Variants in SLC22A25 observed in about 807,000 individuals in gnomAD.
SLC22A25 encodes the protein MGI:2442751, MGI:2385316, MGI:3042283, MGI:3645714, MGI:3605624, MGI:2442750.
SLC22A25 carries 44 observed loss-of-function variants against 45.9 expected under a neutral mutation model. The observed-to-expected ratio is 0.96, with a 90% confidence interval of 0.75 to 1.23. The LOEUF (loss-of-function observed/expected upper bound fraction) is 1.23, where lower values mean the gene tolerates loss of function less well. SLC22A25 is among the 50% of genes most tolerant of loss of function. SLC22A25 has a pLI of 0.00. For missense variants in SLC22A25, 800 were observed against 666.4 expected (o/e 1.20, Z -2.21); for synonymous variants, 283 against 238.6 (o/e 1.19, Z -1.72).
At chr11:63,169,474 T>G (rs892025682) in intron 9 of SLC22A25, among the ~76,000 whole-genome samples, 7 of 151,886 alleles carry the variant, frequency 4.6e-5, no homozygotes, top group Non-Finnish European at 8.8e-5. Context: ...AAAGAAATAT[T>G]TACCAAGCAA....
intron 7 of SLC22A25, chr11:63,208,355 G>C (rs1264032983): frequency 1.3e-5 from 2 of 152,322 alleles, no homozygotes; most frequent in Non-Finnish European, 2.9e-5. Flanking sequence ...TCACCTCCCA[G>C]GGAACAACCA....
intron 7 of SLC22A25, among the ~76,000 whole-genome samples, chr11:63,194,479 A>G (rs1251505806): frequency 1.3e-5 from 2 of 152,158 alleles, no homozygotes; most frequent in Non-Finnish European, 2.9e-5. Context: ...TCATAAGTGA[A>G]GGAGACATAA....
At chr11:63,172,062 T>A (rs1333941947) in intron 9 of SLC22A25, among the ~76,000 whole-genome samples, 1 of 152,180 alleles carries the variant, frequency 6.6e-6, no homozygotes, top group African/African-American at 2.4e-5. Flanking sequence ...TCCTATTTAA[T>A]AAATGGTGCT....
At chr11:63,169,559 A>G (rs192070084) in intron 9 of SLC22A25, among the ~76,000 whole-genome samples, 6 of 152,256 alleles carry the variant, frequency 3.9e-5, no homozygotes, top group African/African-American at 1.4e-4. Flanking sequence ...GAAATCAAAG[A>G]AGACAAAGAA....
chr11:63,241,812 C>T (rs1054930081), intron 1 of SLC22A25, among the ~76,000 whole-genome samples: 37 of 152,188 alleles, frequency 2.4e-4, no homozygotes, highest in Non-Finnish European at 2.4e-4. Context: ...TGAGGCACAA[C>T]ATTGGTGGGC....
intron 3 of SLC22A25, among the ~76,000 whole-genome samples, chr11:63,232,090 G>A (rs537801663): frequency 6.6e-6 from 1 of 152,032 alleles, no homozygotes; most frequent in Admixed American, 6.6e-5. Context: ...TTGTTCTTTT[G>A]GCTTAGGATT....
At chr11:63,242,804 A>G (rs1444302977) in intron 1 of SLC22A25, among the ~76,000 whole-genome samples, 2 of 152,172 alleles carry the variant, frequency 1.3e-5, no homozygotes, top group African/African-American at 2.4e-5. Flanking sequence ...AACCCAAATA[A>G]GGTTCCTTGG....
At position 63,166,243 on chromosome 11, in the gene SLC22A25, G is replaced by T. The variant is rs2087679213; in HGVS notation, c.1086C>A (p.Ile362=). 6.2e-7 allele frequency: 1 copy of T among 1,613,928 alleles called. No individual in the cohort carries two copies. The highest frequency in any genetic ancestry group is 8.5e-7 in the Non-Finnish European group (1 of 1,179,908). The change falls in exon 10 of 12, where the codon ATC becomes ATA. Residue 362 remains isoleucine, a synonymous_variant. Coordinates refer to ENST00000306494, the MANE Select transcript of SLC22A25 (RefSeq NM_199352.6). ...FLSFVRFAST[I]PFWGLTLHLQ... Reference sequence around the variant, plus strand: ...GGTGCAAAGTAAGGCCCCAAAAAGGGATGGTACTTGCAAATCTGCAGGGAA... The same window carrying T: ...GGTGCAAAGTAAGGCCCCAAAAAGGTATGGTACTTGCAAATCTGCAGGGAA...
chr11:63,239,355 A>G (rs2090212099), intron 1 of SLC22A25, among the ~76,000 whole-genome samples: 1 of 152,212 alleles, frequency 6.6e-6, no homozygotes, highest in South Asian at 2.1e-4. Flanking sequence ...GGATACTCCA[A>G]CAGTTGTCAA....
Position 63,159,699 on chromosome 11 carries a change from A to G in SLC22A25, c.*4125T>C, listed in dbSNP as rs1413544595. ...CCACAAATGTGGAAGCAACTTTGGA[A>G]CTGGGGCAATATTTGGAGGGCTCAG... is the stretch of plus-strand genomic sequence containing the variant. On this transcript the variant is annotated 3_prime_UTR_variant, in exon 12 of 12. Transcript: ENST00000306494. Among the ~76,000 whole-genome samples the G allele has an allele frequency of 1.7e-4, 1 of 5,896 alleles. No individual in the cohort carries two copies. The highest frequency in any genetic ancestry group is 0.013 in the Non-Finnish European group (1 of 76). The allele number at this position is 5,896 out of a possible 152,430, so 3.9% of individuals were successfully genotyped here.
rs1267254590 is a variant in SLC22A25 at position 63,159,731 on chromosome 11, A to G, written c.*4093T>C. Among the ~76,000 whole-genome samples, 1 of 152,216 alleles carries G rather than the reference A, an allele frequency of 6.6e-6. No homozygotes were observed. Among genetic ancestry groups the G allele is most frequent in the East Asian group, 1.9e-4 (1 of 5,200 alleles). On this transcript the variant is annotated 3_prime_UTR_variant, in exon 12 of 12. Transcript: ENST00000306494. ...CAATATTTGGAGGGCTCAGAAGAAG[A>G]CAGGAAAATGTTGGAAAGTTTGGAA...
intron 7 of SLC22A25, among the ~76,000 whole-genome samples, chr11:63,204,882 T>C (rs1299268546): frequency 1.3e-5 from 2 of 152,132 alleles, no homozygotes; most frequent in Non-Finnish European, 2.9e-5. Flanking sequence ...CACATCACCC[T>C]TACTCTAAAA....
At position 63,203,694 on chromosome 11, in the gene SLC22A25, A is replaced by G. The variant is rs1047653758; in HGVS notation, c.830+13620T>C. Among the ~76,000 whole-genome samples the G allele has an allele frequency of 2.6e-5, 4 of 151,952 alleles. No homozygotes were observed. In the East Asian group the frequency reaches 7.8e-4, roughly 29 times the overall value. The stretch of plus-strand genomic sequence containing the variant: ...AACCTATGATTGACTGGTGTACATG[A>G]AAGTGACGAGGAGAATGAAACCAAA... On this transcript the variant is annotated intron_variant, in intron 7 of 11. Transcript: ENST00000306494.
In SLC22A25 at chr11:63,217,295, A is replaced by G. The variant is rs760465041; in HGVS notation, c.830+19T>C. 1 of 1,608,008 alleles carries G rather than the reference A, an allele frequency of 6.2e-7. No individual in the cohort carries two copies. The highest frequency in any genetic ancestry group is 1.1e-5 in the South Asian group (1 of 90,530). On this transcript the variant is annotated intron_variant, in intron 7 of 11. Coordinates refer to ENST00000306494, the MANE Select transcript of SLC22A25 (RefSeq NM_199352.6). ...ATTCAAGGATGTCATATGGCAAAAG[A>G]AGAATGCAAGCTCAATACCTTGAGA... is the stretch of plus-strand genomic sequence containing the variant.
intron 7 of SLC22A25, among the ~76,000 whole-genome samples, chr11:63,203,966 G>A (rs1276213473): frequency 6.6e-6 from 1 of 152,166 alleles, no homozygotes; most frequent in Non-Finnish European, 1.5e-5. Context: ...TCACTCTGCA[G>A]AAACCCTACA....
intron 7 of SLC22A25, among the ~76,000 whole-genome samples, chr11:63,214,169 T>G (rs1477149702): frequency 6.6e-6 from 1 of 152,180 alleles, no homozygotes; most frequent in Admixed American, 6.5e-5. Flanking sequence ...GGTGGGTTCT[T>G]GCTTATTCTT....
At chr11:63,171,786 T>TC (rs1299699924) in intron 9 of SLC22A25, among the ~76,000 whole-genome samples, 2 of 152,198 alleles carry the variant, frequency 1.3e-5, no homozygotes, top group African/African-American at 4.8e-5. Context: ...TGACTTTTTT[T>TC]GCAGAACTAG....
At chr11:63,226,784 G>T (rs983148013) in intron 5 of SLC22A25, among the ~76,000 whole-genome samples, 3 of 152,196 alleles carry the variant, frequency 2.0e-5, no homozygotes, top group South Asian at 2.1e-4. Flanking sequence ...CAGGAGCCTG[G>T]GCTTGGAGTT....
intron 8 of SLC22A25, among the ~76,000 whole-genome samples, chr11:63,182,536 T>A (rs2088367735): frequency 6.6e-6 from 1 of 151,908 alleles, no homozygotes; most frequent in Non-Finnish European, 1.5e-5. Context: ...AGTCTAGAAA[T>A]GACATTCAGT....
Sources: gnomAD v4.1 joint callset for allele counts (sites outside exome capture counted in the v4.1 genomes callset) on GRCh38, gnomAD v4.1.1 for gene constraint, MANE v1.5 for transcripts, NCBI Gene and HGNC (gene_info 2026-07-23, HGNC 2026-07-21) for gene names.